The following LIFR variants were observed in gnomAD, a reference collection of about 807,000 sequenced individuals.
The protein encoded by LIFR is LIF receptor subunit alpha, also known as leukemia inhibitory factor receptor.
A neutral mutation model predicts 122.2 loss-of-function variants in LIFR; 84 were observed. The ratio of observed to expected loss-of-function variants is 0.69; its 90% CI spans 0.58 to 0.82. The LOEUF (loss-of-function observed/expected upper bound fraction) is 0.82, where lower values mean the gene tolerates loss of function less well. Among genes scored for constraint, LIFR ranks in the 40% least tolerant of loss-of-function variants. The pLI, the probability that LIFR is intolerant of heterozygous loss-of-function variation, is 0.00. For synonymous variants in LIFR, 422 were observed against 434.7 expected (o/e 0.97, Z 0.36); for missense variants, 1,294 against 1,311.6 (o/e 0.99, Z 0.21).
chr5:38,529,625 T>C (rs1203121713), intron 2 of LIFR, among the ~76,000 whole-genome samples: 3 of 149,300 alleles, frequency 2.0e-5, no homozygotes, highest in Non-Finnish European at 4.5e-5. Context: ...AGAAAATGAG[T>C]AAAAAGAAGG....
chr5:38,550,675 C>T (rs934348764), intron 1 of LIFR, among the ~76,000 whole-genome samples: 4 of 152,196 alleles, frequency 2.6e-5, no homozygotes, highest in African/African-American at 9.7e-5. Context: ...CTACTATAGA[C>T]TAGGCACTGT....
At chr5:38,568,706 C>G (rs912761709) in intron 1 of LIFR, among the ~76,000 whole-genome samples, 2 of 152,144 alleles carry the variant, frequency 1.3e-5, no homozygotes, top group Admixed American at 6.5e-5. Flanking sequence ...TTGCTACATT[C>G]GTGCATACAT....
chr5:38,492,684 A>G (rs1744659049), intron 14 of LIFR, among the ~76,000 whole-genome samples: 1 of 152,190 alleles, frequency 6.6e-6, no homozygotes, highest in South Asian at 2.1e-4. Context: ...ATCATCTGAG[A>G]GAGAAACAGT....
At chr5:38,483,343 T>C (rs1202941641) in intron 18 of LIFR, among the ~76,000 whole-genome samples, 1 of 152,254 alleles carries the variant, frequency 6.6e-6, no homozygotes, top group Non-Finnish European at 1.5e-5. Flanking sequence ...AATGTGAGTT[T>C]GAAACGCTGT....
chr5:38,601,606 C>T (rs1750223769), intron 2 of LIFR, among the ~76,000 whole-genome samples: 1 of 152,214 alleles, frequency 6.6e-6, no homozygotes, highest in Non-Finnish European at 1.5e-5. Flanking sequence ...GACCACATTT[C>T]CATGAGGCCT....
chr5:38,592,288 GA>G (rs1012137916), intron 1 of LIFR, among the ~76,000 whole-genome samples: 80 of 149,454 alleles, frequency 5.4e-4, no homozygotes, highest in African/African-American at 1.3e-3. Context: ...ATTTCTTTAA[GA>G]AAAAAAAAGA....
intron 19 of LIFR, among the ~76,000 whole-genome samples, 171 bp from the exon 20 acceptor site, chr5:38,482,389 CT>C (rs1206572314): frequency 1.4e-5 from 2 of 146,760 alleles, no homozygotes; most frequent in African/African-American, 5.5e-5. Context: ...CAGTATTTTC[CT>C]TGTTATTAAT....
intron 1 of LIFR, among the ~76,000 whole-genome samples, chr5:38,572,682 C>T (rs1379545678): frequency 2.0e-5 from 3 of 152,174 alleles, no homozygotes; most frequent in African/African-American, 7.2e-5. Flanking sequence ...ATTTCCAATC[C>T]ATGAAATGTA....
chr5:38,483,881 G>A (rs550890650), intron 18 of LIFR, among the ~76,000 whole-genome samples: 7 of 152,170 alleles, frequency 4.6e-5, no homozygotes, highest in South Asian at 2.1e-4. Flanking sequence ...TTTTAAGGTC[G>A]GTGAGGACTG....
rs1281285500 is a variant in LIFR, at chr5:38,475,301, G to C, written c.*6294C>G. 5.1e-6 allele frequency: 1 copy of C among 194,680 alleles called. No individual in the cohort carries two copies. The highest frequency in any genetic ancestry group is 1.1e-5 in the Non-Finnish European group (1 of 93,492). The allele number at this position is 194,680 out of a possible 1,614,324, so 12.1% of individuals were successfully genotyped here. A position where few individuals can be genotyped will look rare whatever the true frequency, so the allele number is the denominator to read the frequency against. On this transcript the variant is annotated 3_prime_UTR_variant, in exon 20 of 20. Coordinates refer to ENST00000453190, the MANE Select transcript of LIFR (RefSeq NM_001127671.2). ...GTTGTTTTATTCCATATTACTCTCA[G>C]AATTCTGTGAATCAGACTGAATCAC...
intron 1 of LIFR, among the ~76,000 whole-genome samples, chr5:38,568,748 C>G (rs921353949): frequency 1.3e-5 from 2 of 152,136 alleles, no homozygotes; most frequent in Non-Finnish European, 2.9e-5. Context: ...TTATAATGCA[C>G]CTTACAGCCA....
chr5:38,547,893 C>T (rs970936389), intron 1 of LIFR, among the ~76,000 whole-genome samples: 12 of 151,982 alleles, frequency 7.9e-5, no homozygotes, highest in South Asian at 4.2e-4. Context: ...ATACTGAAGG[C>T]AACTGTAACA....
intron 1 of LIFR, among the ~76,000 whole-genome samples, chr5:38,553,280 C>G (rs1488284670): frequency 6.6e-6 from 1 of 152,110 alleles, no homozygotes; most frequent in East Asian, 1.9e-4. Context: ...CCCAGAGAGG[C>G]TTCTCAGGCC....
intron 9 of LIFR, among the ~76,000 whole-genome samples, 196 bp from the exon 10 acceptor site, chr5:38,504,317 C>A (rs1292009626): frequency 6.8e-6 from 1 of 147,860 alleles, no homozygotes; most frequent in Non-Finnish European, 1.5e-5. Context: ...AACAATCGAT[C>A]ATGCTCAAAG....
In LIFR at chr5:38,502,684, T is replaced by A; in HGVS notation, c.1553A>T (p.Lys518Ile). Reference sequence around the variant, plus strand: ...TTTTTTATTGCTCCATTTGCTCCATTTCCAGAAAGTTTCAGTAGAACAACG... The same window carrying A: ...TTTTTTATTGCTCCATTTGCTCCATATCCAGAAAGTTTCAGTAGAACAACG... The part of the protein sequence containing the change: ...RIRCSTETFW[K>I]WSKWSNKKQH... Residue 518 changes from lysine (K) to isoleucine (I), a missense_variant, in exon 11 of 20, where the codon AAA becomes ATA. Transcript: ENST00000453190. 1 of 1,613,744 alleles carries A rather than the reference T, an allele frequency of 6.2e-7. No homozygotes were observed. The highest frequency in any genetic ancestry group is 8.5e-7 in the Non-Finnish European group (1 of 1,179,700).
chr5:38,528,672 G>A, intron 3 of LIFR, 54 bp downstream of exon 3: 1 of 1,014,104 alleles, frequency 9.9e-7, no homozygotes, highest in Non-Finnish European at 1.5e-6. Flanking sequence ...AGAACTGAGG[G>A]TCGTTTCTGC....
chr5:38,502,192 A>G (rs1050157774), intron 11 of LIFR, among the ~76,000 whole-genome samples: 2 of 152,122 alleles, frequency 1.3e-5, no homozygotes, highest in African/African-American at 4.8e-5. Flanking sequence ...TATCTGTGAT[A>G]TTTTATTAGC....
At chr5:38,558,214 A>G (rs898952600), upstream of LIFR, 2 of 152,162 alleles carry the variant, frequency 1.3e-5, no homozygotes, top group Non-Finnish European at 2.9e-5. Flanking sequence ...ATGTATATAT[A>G]TTTTAATGGA....
intron 1 of LIFR, among the ~76,000 whole-genome samples, chr5:38,607,351 CT>C (rs1402079891): frequency 6.6e-6 from 1 of 152,164 alleles, no homozygotes; most frequent in African/African-American, 2.4e-5. Context: ...CATCAGATAC[CT>C]CCTCAGATCA....
Sources: gnomAD v4.1 joint callset for allele counts (sites outside exome capture counted in the v4.1 genomes callset) on GRCh38, gnomAD v4.1.1 for gene constraint, MANE v1.5 for transcripts, NCBI Gene and HGNC (gene_info 2026-07-23, HGNC 2026-07-21) for gene names.